The following MYO16 variants were observed in gnomAD, a reference collection of about 807,000 sequenced individuals.
MYO16 encodes the protein unconventional myosin-XVI.
Under a neutral mutation model 205.3 loss-of-function variants are expected in MYO16, and 94 were observed. That is an observed-to-expected ratio of 0.46 (90% CI 0.39 to 0.54). The LOEUF (loss-of-function observed/expected upper bound fraction) is 0.54, where lower values mean the gene tolerates loss of function less well. Ranked by LOEUF, MYO16 falls within the 20% of genes least tolerant of loss-of-function variation. The pLI is 0.00. For missense variants in MYO16, 2,315 were observed against 2,387.5 expected (o/e 0.97, Z 0.63); for synonymous variants, 988 against 954.0 (o/e 1.04, Z -0.66).
intron 5 of MYO16, among the ~76,000 whole-genome samples, chr13:108,787,050 G>A (rs1005837746): frequency 1.3e-5 from 2 of 152,200 alleles, no homozygotes; most frequent in African/African-American, 2.4e-5. Context: ...GAATTGACAT[G>A]AAAAACTTGG....
chr13:108,734,686 A>G (rs913752236), intron 4 of MYO16, among the ~76,000 whole-genome samples: 2 of 152,250 alleles, frequency 1.3e-5, no homozygotes, highest in Non-Finnish European at 2.9e-5. Flanking sequence ...CAAAATATCA[A>G]TGCTGCCGCC....
At chr13:109,090,697 GA>G (rs1056918657) in intron 27 of MYO16, among the ~76,000 whole-genome samples, 19 of 152,090 alleles carry the variant, frequency 1.2e-4, no homozygotes, top group Non-Finnish European at 2.6e-4. Context: ...GGGAAGGAGG[GA>G]AAAAATGTGC....
chr13:109,157,768 C>T (rs375442854), intron 32 of MYO16, among the ~76,000 whole-genome samples: 1 of 152,090 alleles, frequency 6.6e-6, no homozygotes, highest in African/African-American at 2.4e-5. Context: ...TGAATAAAAC[C>T]GTCAAAATTA....
intron 9 of MYO16, among the ~76,000 whole-genome samples, chr13:108,831,521 T>C (rs1876620889): frequency 6.6e-6 from 1 of 152,142 alleles, no homozygotes; most frequent in Non-Finnish European, 1.5e-5. Context: ...AAAGTTACTT[T>C]CTTTTTTCCA....
chr13:108,509,833 G>A, the MYO16 span, among the ~76,000 whole-genome samples: 1 of 152,076 alleles, frequency 6.6e-6, no homozygotes, highest in Non-Finnish European at 1.5e-5. Flanking sequence ...AACTGAGTGT[G>A]GCCCAGGACT....
intron 12 of MYO16, among the ~76,000 whole-genome samples, chr13:108,877,108 T>C (rs1879366858): frequency 6.6e-6 from 1 of 152,234 alleles, no homozygotes; most frequent in Admixed American, 6.5e-5. Flanking sequence ...TATATTTGTC[T>C]ATTAATCTTT....
intron 17 of MYO16, among the ~76,000 whole-genome samples, chr13:108,959,112 G>A (rs147089982): frequency 5.1e-4 from 77 of 152,212 alleles, no homozygotes; most frequent in Non-Finnish European, 1.0e-3. Context: ...AGTGAATGCA[G>A]GGGCACCTTG....
rs987815032 is a variant in MYO16 at position 108,756,104 on chromosome 13, A to T, written c.507+28521A>T. 2.0e-5 allele frequency among the ~76,000 whole-genome samples: 3 copies of T among 152,042 alleles called. 1 individual carries two copies. Among genetic ancestry groups the T allele is most frequent in the Admixed American group, 2.0e-4 (3 of 15,282 alleles). On this transcript the variant is annotated intron_variant, in intron 4 of 34. Coordinates refer to ENST00000457511, the MANE Select transcript of MYO16 (RefSeq NM_001198950.3). The stretch of plus-strand genomic sequence containing the variant: ...CAGTATAAGGTGTTTACACATGAAA[A>T]TAAAAGGCTTGTATTTTCACATAGC...
chr13:108,499,788 T>A, the MYO16 span, among the ~76,000 whole-genome samples: 1 of 152,210 alleles, frequency 6.6e-6, no homozygotes, highest in Admixed American at 6.5e-5. Context: ...TATAATTATG[T>A]TTCTAAAAAT....
intron 32 of MYO16, among the ~76,000 whole-genome samples, chr13:109,144,974 A>G (rs1877262897): frequency 6.6e-6 from 1 of 152,246 alleles, no homozygotes; most frequent in Non-Finnish European, 1.5e-5. Flanking sequence ...TGCCCAAACC[A>G]GTTCATTTTC....
At chr13:109,087,058 A>G (rs1032873012) in intron 27 of MYO16, among the ~76,000 whole-genome samples, 4 of 152,242 alleles carry the variant, frequency 2.6e-5, no homozygotes, top group Admixed American at 2.6e-4. Flanking sequence ...CCAAATTAGC[A>G]AACATAATTC....
chr13:109,060,340 TG>T (rs1270328517), intron 27 of MYO16, among the ~76,000 whole-genome samples: 1 of 152,144 alleles, frequency 6.6e-6, no homozygotes, highest in Non-Finnish European at 1.5e-5. Context: ...TGCAGGGACA[TG>T]GATGAAGCTG....
At chr13:109,048,238 C>A (rs1887114225) in intron 24 of MYO16, 23 of 553,934 alleles carry the variant, frequency 4.2e-5, no homozygotes, top group East Asian at 3.2e-4. Context: ...GTCTGCTTAT[C>A]TTAATAGAGT....
Position 108,992,404 on chromosome 13 carries a change from G to T in MYO16, c.2398G>T (p.Asp800Tyr). 6.2e-7 allele frequency: 1 copy of T among 1,609,926 alleles called. No homozygotes were observed. Among genetic ancestry groups the T allele is most frequent in the Non-Finnish European group, 8.5e-7 (1 of 1,176,918 alleles). ...SMQTLDIGIL[D>Y]IFGFEEFQKN... ...GCAGACATTGGATATTGGAATATTG[G>T]ACATTTTTGGTTTTGAAGAGTTTCA... is the stretch of plus-strand genomic sequence containing the variant. Residue 800 changes from aspartate (D) to tyrosine (Y), a missense_variant, in exon 21 of 35, where the codon GAC becomes TAC. By Grantham distance (160) the Asp-to-Tyr change is radical. This residue lies in a region of MYO16 where 1,213 missense variants were observed against 1,274.4 expected (regional missense o/e 0.95). Transcript: ENST00000457511.
intron 27 of MYO16, among the ~76,000 whole-genome samples, chr13:109,069,897 G>C (rs143890786): frequency 2.0e-5 from 3 of 152,092 alleles, no homozygotes; most frequent in Non-Finnish European, 4.4e-5. Flanking sequence ...GGCCTCACTT[G>C]TCTTAATTCA....
rs139374303 is a variant in MYO16, at chr13:108,883,616, C to G, written c.1553+430C>G. Among the ~76,000 whole-genome samples, 184 of 151,846 alleles carry G rather than the reference C, an allele frequency of 1.2e-3. 2 individuals carry two copies. Among genetic ancestry groups the G allele is most frequent in the African/African-American group, 4.1e-3 (169 of 41,432 alleles). ...TTGTTATTTACCTTTGCTCACAATT[C>G]ACTGTACTCTACTTCCTAAACTTTT... is the stretch of plus-strand genomic sequence containing the variant. On this transcript the variant is annotated intron_variant, in intron 13 of 34. Coordinates refer to ENST00000457511, the MANE Select transcript of MYO16 (RefSeq NM_001198950.3).
rs148038027 is a variant in MYO16, at chr13:108,836,716, A to G, written c.1098-7627A>G. On this transcript the variant is annotated intron_variant, in intron 9 of 34. Transcript: ENST00000457511. ...TGGAGTCAAAAGAGAATCGTTATGGAACGTTAAGGTTTAATGACTGCCCTG... is the reference window on the plus strand; with the variant it reads ...TGGAGTCAAAAGAGAATCGTTATGGGACGTTAAGGTTTAATGACTGCCCTG... 5.8e-4 allele frequency among the ~76,000 whole-genome samples: 89 copies of G among 152,308 alleles called. 1 individual carries two copies. The highest frequency in any genetic ancestry group is 2.0e-3 in the African/African-American group (83 of 41,568).
intron 16 of MYO16, among the ~76,000 whole-genome samples, chr13:108,927,903 C>A (rs572723242): frequency 2.0e-5 from 3 of 152,370 alleles, no homozygotes; most frequent in East Asian, 3.9e-4. Context: ...CCTGAGCATG[C>A]GCTCTAGGCT....
At chr13:108,985,625 G>C (rs1352591179) in intron 20 of MYO16, among the ~76,000 whole-genome samples, 1 of 152,134 alleles carries the variant, frequency 6.6e-6, no homozygotes, top group African/African-American at 2.4e-5. Context: ...GAAGTTCTGG[G>C]CCACTCAAAC....
Sources: allele counts gnomAD v4.1 joint callset (sites outside exome capture counted in the v4.1 genomes callset), GRCh38; gene constraint gnomAD v4.1.1; regional missense constraint gnomAD v4.1.1; transcripts MANE v1.5; gene names NCBI Gene and HGNC (gene_info 2026-07-23, HGNC 2026-07-21).